MCC: variants seen among roughly 807,000 people sequenced by gnomAD.
MCC encodes the protein colorectal mutant cancer protein.
MCC carries 90 observed loss-of-function variants against 116.2 expected under a neutral mutation model. That is an observed-to-expected ratio of 0.77 (90% confidence interval 0.65 to 0.92). The LOEUF is 0.92. Ranked by LOEUF, MCC falls within the 40% of genes least tolerant of loss-of-function variation. The probability of loss-of-function intolerance (pLI) is 0.00; values close to 1 mark genes in which losing one functional copy is unlikely to be tolerated. For missense variants in MCC, 1,516 were observed against 1,312.2 expected, an observed-to-expected ratio of 1.16 and a Z score of -2.40; for synonymous variants, 578 against 510.5, an observed-to-expected ratio of 1.13 and a Z score of -1.78.
intron 1 of MCC, among the ~76,000 whole-genome samples, chr5:113,466,013 T>A (rs1334590825): frequency 6.6e-6 from 1 of 151,922 alleles, no homozygotes; most frequent in East Asian, 1.9e-4. Flanking sequence ...CTCGGCTCAC[T>A]GCAACCTCTG....
intron 12 of MCC, among the ~76,000 whole-genome samples, chr5:113,070,397 G>GA (rs920023420): frequency 1.5e-4 from 22 of 147,812 alleles, no homozygotes; most frequent in East Asian, 3.9e-4. Flanking sequence ...TGATGAGGCA[G>GA]AAAAAAAAAA....
intron 3 of MCC, among the ~76,000 whole-genome samples, chr5:113,199,642 T>C (rs770968854): frequency 7.9e-5 from 12 of 152,156 alleles, no homozygotes; most frequent in Non-Finnish European, 1.6e-4. Context: ...GAATAAAGTC[T>C]CAGGATGCTC....
At chr5:113,262,132 C>T (rs545276945) in intron 3 of MCC, among the ~76,000 whole-genome samples, 150 of 151,856 alleles carry the variant, frequency 9.9e-4, no homozygotes, top group African/African-American at 3.5e-3. Context: ...AAACAAAGGG[C>T]CTATTCTCCC....
At chr5:113,181,491 C>T (rs1384019162) in intron 3 of MCC, among the ~76,000 whole-genome samples, 1 of 152,120 alleles carries the variant, frequency 6.6e-6, no homozygotes, top group Admixed American at 6.5e-5. Flanking sequence ...AACAAAAGTA[C>T]CTTGCCATCT....
intron 3 of MCC, among the ~76,000 whole-genome samples, chr5:113,207,441 ATCC>A (rs1228142143): frequency 9.2e-6 from 1 of 108,906 alleles, no homozygotes; most frequent in African/African-American, 3.7e-5. Context: ...GGGGACACCT[ATCC>A]TCCATCGTGG....
At chr5:113,059,553 A>G (rs1250990027) in intron 14 of MCC, among the ~76,000 whole-genome samples, 1 of 152,214 alleles carries the variant, frequency 6.6e-6, no homozygotes, top group Admixed American at 6.5e-5. Context: ...CTGTGGCTGC[A>G]TTATTCCTCC....
chr5:113,418,384 A>T (rs1379691737), intron 1 of MCC, among the ~76,000 whole-genome samples: 1 of 152,112 alleles, frequency 6.6e-6, no homozygotes, highest in Non-Finnish European at 1.5e-5. Flanking sequence ...GCCAAAGTTT[A>T]CCTAAATCTT....
rs544003265 is a variant in MCC, at chr5:113,316,022, C to A, written c.627+24497G>T. ...ACCTGTAATCCAGCACTTTGGGAGG[C>A]TGAGGTGGGCAGATCATGAGGTCAG... On this transcript the variant is annotated intron_variant, in intron 3 of 18. Transcript: ENST00000408903. 2.6e-5 allele frequency among the ~76,000 whole-genome samples: 4 copies of A among 152,222 alleles called. No homozygotes were observed. In the South Asian group the frequency reaches 8.3e-4, roughly 32 times the overall value.
At chr5:113,340,821 C>G in intron 2 of MCC, 91 bp from the exon 3 acceptor site, 2 of 972,954 alleles carry the variant, frequency 2.1e-6, no homozygotes, top group Non-Finnish European at 3.1e-6. Flanking sequence ...CCTCCTAAGC[C>G]TTCCATGTGC....
At chr5:113,311,700 T>C (rs1018061840) in intron 3 of MCC, among the ~76,000 whole-genome samples, 1 of 151,152 alleles carries the variant, frequency 6.6e-6, no homozygotes, top group South Asian at 2.1e-4. Flanking sequence ...TGGCCGGGCA[T>C]GGTGGCTCAC....
At chr5:113,382,399 T>G (rs1173537040) in intron 2 of MCC, among the ~76,000 whole-genome samples, 1 of 151,726 alleles carries the variant, frequency 6.6e-6, no homozygotes, top group African/African-American at 2.4e-5. Flanking sequence ...GCCTCCTGAG[T>G]AGCTAGGACA....
intron 5 of MCC, among the ~76,000 whole-genome samples, chr5:113,124,651 A>G (rs1054573633): frequency 5.3e-5 from 8 of 152,232 alleles, no homozygotes; most frequent in Admixed American, 4.6e-4. Context: ...GTGAATTGGG[A>G]AAGTATGGGA....
intron 3 of MCC, among the ~76,000 whole-genome samples, chr5:113,339,754 G>A (rs1418269815): frequency 6.6e-6 from 1 of 152,176 alleles, no homozygotes; most frequent in East Asian, 1.9e-4. Context: ...CACAGAGTTT[G>A]AAAACCACTG....
intron 1 of MCC, chr5:113,433,494 G>C (rs1770731848): frequency 1.6e-6 from 1 of 618,162 alleles, no homozygotes. Context: ...ACCTGCTCCG[G>C]GTCACGCTCT....
At chr5:113,421,016 G>T (rs933458995) in intron 1 of MCC, among the ~76,000 whole-genome samples, 2 of 150,304 alleles carry the variant, frequency 1.3e-5, no homozygotes, top group Admixed American at 6.7e-5. Context: ...TTCCGCAAAA[G>T]AATTTTATTT....
chr5:113,341,348 TA>T (rs200711843), intron 2 of MCC, among the ~76,000 whole-genome samples: 4,839 of 151,946 alleles, frequency 0.032, 103 homozygotes, highest in East Asian at 0.074. Context: ...CCTGCCTCAT[TA>T]AAAAAAATTT....
intron 3 of MCC, among the ~76,000 whole-genome samples, chr5:113,238,952 C>T (rs1345699473): frequency 1.3e-5 from 2 of 152,050 alleles, no homozygotes; most frequent in African/African-American, 4.8e-5. Context: ...ACAGAGGTAA[C>T]AAAGGTTTTA....
chr5:113,213,776 C>T (rs1290825020), intron 3 of MCC, among the ~76,000 whole-genome samples: 2 of 152,220 alleles, frequency 1.3e-5, no homozygotes, highest in Non-Finnish European at 2.9e-5. Flanking sequence ...CATACCCACT[C>T]ACAGTGAATG....
At chr5:113,094,481 C>T (rs984714468) in intron 8 of MCC, among the ~76,000 whole-genome samples, 2 of 147,864 alleles carry the variant, frequency 1.4e-5, no homozygotes, top group Non-Finnish European at 3.0e-5. Context: ...TGTGCAGTGG[C>T]GCGATCACGG....
Sources: gnomAD v4.1 joint callset for allele counts (sites outside exome capture counted in the v4.1 genomes callset) on GRCh38, gnomAD v4.1.1 for gene constraint, MANE v1.5 for transcripts, NCBI Gene and HGNC (gene_info 2026-07-23, HGNC 2026-07-21) for gene names.